The following LRRIQ4 variants were observed in gnomAD, a reference collection of about 807,000 sequenced individuals.
LRRIQ4 encodes leucine rich repeats and IQ motif containing 4.
In LRRIQ4, 21 loss-of-function variants were observed where a neutral mutation model predicts 40.1. That is an observed-to-expected ratio of 0.52 (90% CI 0.37 to 0.75). LRRIQ4 has a LOEUF of 0.75. Among genes scored for constraint, LRRIQ4 ranks in the 30% least tolerant of loss-of-function variants. LRRIQ4 has a pLI of 0.00. For synonymous variants in LRRIQ4, 277 were observed against 277.1 expected (o/e 1.00, Z 0.00); for missense variants, 655 against 660.0 (o/e 0.99, Z 0.08).
intron 1 of LRRIQ4, among the ~76,000 whole-genome samples, chr3:169,815,269 A>T (rs1006999953): frequency 1.8e-4 from 27 of 152,234 alleles, no homozygotes; most frequent in South Asian, 2.1e-4. Flanking sequence ...ATCCAAGAAC[A>T]TAAAATATCT....
rs544507941 is a variant in LRRIQ4 at position 169,822,188 on chromosome 3, G to A, written c.267G>A (p.Ala89=). The change falls in exon 2 of 6, where the codon GCG becomes GCA. Residue 89 remains alanine (A), a synonymous_variant. Transcript: ENST00000340806. The part of the protein sequence containing the change: ...DKNNLRSLCP[A]LGLLSSLESL... Reference sequence around the variant, plus strand: ...ACAACCTGAGGAGCCTGTGCCCGGCGCTGGGGCTGCTGAGCAGCCTGGAGA... The same window carrying A: ...ACAACCTGAGGAGCCTGTGCCCGGCACTGGGGCTGCTGAGCAGCCTGGAGA... 2 of 1,604,042 alleles carry A rather than the reference G, an allele frequency of 1.2e-6. No individual in the cohort carries two copies. Among genetic ancestry groups the A allele is most frequent in the East Asian group, 2.2e-5 (1 of 44,848 alleles).
Position 169,833,117 on chromosome 3 carries a change from T to C in LRRIQ4, c.1464T>C (p.Ala488=). Residue 488 remains alanine (A), a synonymous_variant, in exon 5 of 6, where the codon GCT becomes GCC. Coordinates refer to ENST00000340806, the MANE Select transcript of LRRIQ4 (RefSeq NM_001080460.3). ...AAGAACCCCCAAAAGAAGTGTGTGC[T>C]GAAGGCAATGAGGCCATATGGAAAT... ...PMEEPPKEVC[A]EGNEAIWKYL... The C allele has an allele frequency of 1.2e-6, 2 of 1,613,948 alleles. No individual in the cohort carries two copies. The highest frequency in any genetic ancestry group is 1.7e-6 in the Non-Finnish European group (2 of 1,179,890).
At chr3:169,825,700 T>A (rs1388480858) in intron 2 of LRRIQ4, among the ~76,000 whole-genome samples, 2 of 152,242 alleles carry the variant, frequency 1.3e-5, no homozygotes, top group African/African-American at 4.8e-5. Flanking sequence ...GACTGCTTGT[T>A]AACAAAAATA....
intron 4 of LRRIQ4, among the ~76,000 whole-genome samples, chr3:169,832,196 G>A (rs926047238): frequency 2.6e-4 from 39 of 151,954 alleles, no homozygotes; most frequent in African/African-American, 6.0e-4. Context: ...TAGGCCAGGC[G>A]CGGTGGCTCA....
chr3:169,822,032 G>A lies in LRRIQ4; in HGVS notation c.111G>A (p.Leu37=). Residue 37 remains leucine (L), a synonymous_variant, in exon 2 of 6, where the codon TTG becomes TTA. Coordinates refer to ENST00000340806, the MANE Select transcript of LRRIQ4 (RefSeq NM_001080460.3). ...TCATTGATGCCTCTAATCAGAGCTT[G>A]ACTGCCATTCCTTTGGAGATCTTCA... The part of the protein sequence containing the change: ...TFFIDASNQS[L]TAIPLEIFTF... The A allele has an allele frequency of 6.2e-7, 1 of 1,602,414 alleles. No homozygotes were observed. Among genetic ancestry groups the A allele is most frequent in the South Asian group, 1.1e-5 (1 of 88,572 alleles).
At chr3:169,833,234 G>C (rs1780227199) in intron 5 of LRRIQ4, 51 bp downstream of exon 5, 1 of 1,457,660 alleles carries the variant, frequency 6.9e-7, no homozygotes, top group South Asian at 1.2e-5. Flanking sequence ...GGAGTCTAAT[G>C]GTAAACACAG....
intron 5 of LRRIQ4, among the ~76,000 whole-genome samples, chr3:169,837,119 C>T (rs553471834): frequency 1.3e-5 from 2 of 152,142 alleles, no homozygotes; most frequent in South Asian, 2.1e-4. Flanking sequence ...ATCCCCTCAC[C>T]ATGTGCGGTC....
rs181574053 is a variant in LRRIQ4, at chr3:169,819,538, G to A, written c.-31-2353G>A. Among the ~76,000 whole-genome samples, 996 of 152,268 alleles carry A rather than the reference G, an allele frequency of 6.5e-3. 19 individuals carry two copies. Among genetic ancestry groups the A allele is most frequent in the Admixed American group, 5.8e-3 (88 of 15,302 alleles). ...ATCAAGTCTAAAATTTCACACCCGA[G>A]AAGAATGATTTTAATAAGTGCCAGG... On this transcript the variant is annotated intron_variant, in intron 1 of 5. Transcript: ENST00000340806.
chr3:169,827,596 G>T (rs1249443944), intron 2 of LRRIQ4, among the ~76,000 whole-genome samples: 2 of 122,872 alleles, frequency 1.6e-5, no homozygotes, highest in African/African-American at 6.6e-5. Flanking sequence ...GGCAGAGCGA[G>T]ACTCCGTCTC....
intron 4 of LRRIQ4, 86 bp downstream of exon 4, chr3:169,830,716 C>T: frequency 6.7e-7 from 1 of 1,498,498 alleles, no homozygotes; most frequent in Non-Finnish European, 9.1e-7. Flanking sequence ...TTGCTAAAGA[C>T]CTATCTCAGT....
chr3:169,817,620 T>G (rs1040222356), intron 1 of LRRIQ4, among the ~76,000 whole-genome samples: 9 of 152,240 alleles, frequency 5.9e-5, no homozygotes, highest in African/African-American at 2.2e-4. Context: ...CAGTGTTGGG[T>G]GCATGTATAT....
rs780630856 is a variant in LRRIQ4, at chr3:169,837,585, G to A, written c.1637G>A (p.Gly546Glu). The A allele has an allele frequency of 6.3e-7, 1 of 1,592,128 alleles. No individual in the cohort carries two copies. Among genetic ancestry groups the A allele is most frequent in the East Asian group, 2.3e-5 (1 of 44,354 alleles). The change falls in exon 6 of 6, where the codon GGA (glycine) becomes GAA (glutamate). Residue 546 changes from glycine to glutamate, a missense_variant. By Grantham distance (98) the Gly-to-Glu change is moderately conservative. Coordinates refer to ENST00000340806, the MANE Select transcript of LRRIQ4 (RefSeq NM_001080460.3). ...AAGACCTCTCCAAAAGATAAGAAAG[G>A]AAAGAAGGATGTAAAAGGAAAACCA... is the stretch of plus-strand genomic sequence containing the variant. ...KGKTSPKDKK[G>E]KKDVKGKPGK...
intron 1 of LRRIQ4, among the ~76,000 whole-genome samples, chr3:169,819,386 T>C (rs965942589): frequency 1.6e-4 from 25 of 152,340 alleles, no homozygotes; most frequent in Middle Eastern, 3.4e-3. Flanking sequence ...CAGGTCTTAT[T>C]ATGGAGAAAG....
intron 1 of LRRIQ4, 77 bp from the exon 2 acceptor site, chr3:169,821,814 A>T (rs1779896486): frequency 1.3e-6 from 1 of 745,184 alleles, no homozygotes; most frequent in African/African-American, 1.8e-5. Flanking sequence ...CTAGGTTTTA[A>T]TTTTATTTTT....
chr3:169,822,101 T>G lies in LRRIQ4; in HGVS notation c.180T>G (p.Ile60Met). The change falls in exon 2 of 6, where the codon ATT becomes ATG. Residue 60 changes from isoleucine (I) to methionine (M), a missense_variant. Ile to Met is a conservative substitution (Grantham distance 10). Transcript: ENST00000340806. ...LEEVHLENNQ[I>M]EEIPQEIQRL... ...AAGTGCATTTGGAGAATAACCAGAT[T>G]GAAGAAATTCCCCAGGAGATTCAGC... is the stretch of plus-strand genomic sequence containing the variant. The G allele has an allele frequency of 6.2e-7, 1 of 1,610,704 alleles. No homozygotes were observed. Among genetic ancestry groups the G allele is most frequent in the Non-Finnish European group, 8.5e-7 (1 of 1,179,134 alleles).
chr3:169,836,316 C>T (rs1483625488), intron 5 of LRRIQ4, among the ~76,000 whole-genome samples: 1 of 152,076 alleles, frequency 6.6e-6, no homozygotes, highest in African/African-American at 2.4e-5. Context: ...CTTAGGCTGC[C>T]ACAACAAAAT....
intron 1 of LRRIQ4, among the ~76,000 whole-genome samples, chr3:169,820,168 A>C (rs1445254567): frequency 6.6e-6 from 1 of 151,976 alleles, no homozygotes; most frequent in African/African-American, 2.4e-5. Flanking sequence ...GACTGCCTTC[A>C]TTCTAAAAAG....
rs762386156 is a variant in LRRIQ4 at position 169,822,203 on chromosome 3, C to A, written c.282C>A (p.Ser94Arg). Residue 94 changes from serine (S) to arginine (R), a missense_variant, in exon 2 of 6, where the codon AGC becomes AGA. Ser to Arg is a moderately radical substitution (Grantham distance 110). Transcript: ENST00000340806. ...TGTGCCCGGCGCTGGGGCTGCTGAG[C>A]AGCCTGGAGAGCCTGGACCTGAGCT... is the stretch of plus-strand genomic sequence containing the variant. ...RSLCPALGLL[S>R]SLESLDLSYN... is the part of the protein sequence containing the mutation. The A allele has an allele frequency of 6.3e-7, 1 of 1,599,822 alleles. No homozygotes were observed. Among genetic ancestry groups the A allele is most frequent in the South Asian group, 1.1e-5 (1 of 88,474 alleles).
At chr3:169,835,245 C>G (rs1301710405) in intron 5 of LRRIQ4, among the ~76,000 whole-genome samples, 1 of 152,118 alleles carries the variant, frequency 6.6e-6, no homozygotes, top group Non-Finnish European at 1.5e-5. Flanking sequence ...GTCAACTAGG[C>G]TTCCCTTATT....
Sources: allele counts gnomAD v4.1 joint callset (sites outside exome capture counted in the v4.1 genomes callset), GRCh38; gene constraint gnomAD v4.1.1; transcripts MANE v1.5; gene names NCBI Gene and HGNC (gene_info 2026-07-23, HGNC 2026-07-21).